SPOCD1: variants seen among roughly 807,000 people sequenced by gnomAD.
SPOCD1 encodes SPOC domain containing 1.
SPOCD1 carries 64 observed loss-of-function variants against 92.2 expected under a neutral mutation model. The observed-to-expected ratio is 0.69, with a 90% CI of 0.57 to 0.86. The LOEUF is 0.86. Among genes scored for constraint, SPOCD1 ranks in the 40% least tolerant of loss-of-function variants. The pLI, the probability that SPOCD1 is intolerant of heterozygous loss-of-function variation, is 0.00. For synonymous variants in SPOCD1, 578 were observed against 619.3 expected (o/e 0.93, Z 0.99); for missense variants, 1,360 against 1,543.1 (o/e 0.88, Z 1.99).
chr1:31,805,192 G>A (rs1236048438), intron 2 of SPOCD1, among the ~76,000 whole-genome samples: 1 of 151,572 alleles, frequency 6.6e-6, no homozygotes, highest in African/African-American at 2.4e-5. Flanking sequence ...CACCGTGTTA[G>A]CCAGGATGGT....
At position 31,792,237 on chromosome 1, in the gene SPOCD1, C is replaced by A; in HGVS notation, c.2940G>T (p.Arg980Ser). ...CACCTGGGCCCCCCAAAGGGCGCAG[C>A]CTGGTGGGCAGGGGCTGGAAGGCAG... ...PLPAFQPLPT[R>S]LRPLGGPGLW... is the part of the protein sequence containing the mutation. The change falls in exon 15 of 16, where the codon AGG becomes AGT. Residue 980 changes from arginine to serine, a missense_variant. Arg to Ser is a moderately radical substitution (Grantham distance 110). Coordinates refer to ENST00000360482, the MANE Select transcript of SPOCD1 (RefSeq NM_144569.7). 6.2e-7 allele frequency: 1 copy of A among 1,609,466 alleles called. No individual in the cohort carries two copies. The highest frequency in any genetic ancestry group is 8.5e-7 in the Non-Finnish European group (1 of 1,178,012).
At chr1:31,793,201 TG>T in intron 13 of SPOCD1, 76 bp downstream of exon 13, 1 of 1,456,942 alleles carries the variant, frequency 6.9e-7, no homozygotes, top group Non-Finnish European at 9.2e-7. Context: ...AATGCATGAG[TG>T]AAAGAGAGAG....
At chr1:31,792,031 GC>G (rs1647630115) in intron 15 of SPOCD1, 183 bp downstream of exon 15, 2 of 646,586 alleles carry the variant, frequency 3.1e-6, no homozygotes, top group African/African-American at 1.8e-5. Context: ...TAGAACAATG[GC>G]TGGCATGCAG....
rs970334700 is a variant in SPOCD1 at position 31,796,102 on chromosome 1, C to T, written c.2271+488G>A. On this transcript the variant is annotated intron_variant, in intron 10 of 15. Coordinates refer to ENST00000360482, the MANE Select transcript of SPOCD1 (RefSeq NM_144569.7). ...AAGAGCCCTAGACTATTGTCACTCC[C>T]GTTGGCTTCCCAGGTCTGAGGACAA... 4.4e-5 allele frequency: 11 copies of T among 248,726 alleles called. No homozygotes were observed. The East Asian group carries it at 7.4e-4, about 17-fold the overall frequency. 15.4% of individuals were successfully genotyped at this position (248,726 alleles called of 1,614,324 possible).
At chr1:31,793,505 G>A in intron 12 of SPOCD1, 77 bp from the exon 13 acceptor site, 1 of 1,534,774 alleles carries the variant, frequency 6.5e-7, no homozygotes, top group Non-Finnish European at 8.8e-7. Flanking sequence ...TCTTTTCAGA[G>A]CAGATCCTGT....
intron 2 of SPOCD1, among the ~76,000 whole-genome samples, chr1:31,803,958 C>T (rs1648647792): frequency 6.6e-6 from 1 of 151,810 alleles, no homozygotes; most frequent in South Asian, 2.1e-4. Flanking sequence ...TGGGTAGAAG[C>T]AGTGTTTAAA....
chr1:31,796,842 C>T, intron 9 of SPOCD1, 127 bp from the exon 10 acceptor site: 2 of 1,284,928 alleles, frequency 1.6e-6, no homozygotes, highest in African/African-American at 1.5e-5. Flanking sequence ...ACTTTTACTT[C>T]CGCCATACCC....
chr1:31,799,140 G>A (rs530940508), intron 7 of SPOCD1, among the ~76,000 whole-genome samples: 4 of 152,300 alleles, frequency 2.6e-5, no homozygotes, highest in East Asian at 3.9e-4. Flanking sequence ...CATTTGCTGC[G>A]GGTGACATTG....
In SPOCD1 at chr1:31,790,911, G is replaced by A. The variant is rs544748122; in HGVS notation, c.3343C>T (p.Pro1115Ser). ...GGATGCTGGGACTGGCGCAAGCCTG[G>A]CTCTGGGGGCCACTGCCCTCGCCCA... ...HPGRGQWPPE[P>S]GLRQSQHPYS... is the part of the protein sequence containing the mutation. Residue 1115 changes from proline to serine, a missense_variant, in exon 16 of 16, where the codon CCA becomes TCA. Pro to Ser is a moderately conservative substitution (Grantham distance 74). Around this residue, in one of 3 missense-constraint regions of SPOCD1, gnomAD observed 614 missense variants for 757.8 expected, o/e 0.81. Coordinates refer to ENST00000360482, the MANE Select transcript of SPOCD1 (RefSeq NM_144569.7). 1.3e-6 allele frequency: 2 copies of A among 1,583,730 alleles called. No homozygotes were observed. Among genetic ancestry groups the A allele is most frequent in the East Asian group, 2.2e-5 (1 of 44,616 alleles).
At position 31,800,587 on chromosome 1, in the gene SPOCD1, C is replaced by T; in HGVS notation, c.1456G>A (p.Gly486Arg). The T allele has an allele frequency of 6.2e-7, 1 of 1,609,956 alleles. No individual in the cohort carries two copies. The highest frequency in any genetic ancestry group is 8.5e-7 in the Non-Finnish European group (1 of 1,178,138). Reference protein sequence around the residue: ...LGSGPVIQLLGAISHGQAGGQ... With the variant: ...LGSGPVIQLLRAISHGQAGGQ... ...CCTGCCTGGCCGTGGCTGATGGCCC[C>T]CAGGAGCTGGATCACTGGCCCGGAA... The change falls in exon 4 of 16, where the codon GGG (glycine) becomes AGG (arginine). Residue 486 changes from glycine (G) to arginine (R), a missense_variant. By Grantham distance (125) the Gly-to-Arg change is moderately radical. Transcript: ENST00000360482.
Position 31,814,435 on chromosome 1 carries a change from G to A in SPOCD1, c.899C>T (p.Pro300Leu). The A allele has an allele frequency of 6.2e-7, 1 of 1,607,130 alleles. No homozygotes were observed. The highest frequency in any genetic ancestry group is 8.5e-7 in the Non-Finnish European group (1 of 1,176,506). Residue 300 changes from proline to leucine, a missense_variant, in exon 2 of 16, where the codon CCC becomes CTC. This residue lies in a region of SPOCD1 where 606 missense variants were observed against 601.5 expected (regional missense o/e 1.01). Coordinates refer to ENST00000360482, the MANE Select transcript of SPOCD1 (RefSeq NM_144569.7). The surrounding 1 kb of genome is among the most constrained non-coding windows in gnomAD (Gnocchi z 4.2). ...CACTGGGAACCCGACAGGGCCACAG[G>A]GGCTGCCTGGCTGGGGCCCATCCCC... Reference protein sequence around the residue: ...ATGDGPQPGSPCGPVGFPVPS... With the variant: ...ATGDGPQPGSLCGPVGFPVPS...
In SPOCD1 at chr1:31,807,244, C is replaced by G. The variant is rs577385324; in HGVS notation, c.1384-5539G>C. 2.7e-5 allele frequency among the ~76,000 whole-genome samples: 4 copies of G among 147,816 alleles called. No homozygotes were observed. In the East Asian group the frequency reaches 8.2e-4, roughly 30 times the overall value. On this transcript the variant is annotated intron_variant, in intron 2 of 15. Coordinates refer to ENST00000360482, the MANE Select transcript of SPOCD1 (RefSeq NM_144569.7). ...TCCGTGCTAAAAATACAAAAATTAG[C>G]CAGACGTGGTGGCACACGCCTGTGA...
Position 31,814,577 on chromosome 1 carries a change from C to A in SPOCD1, c.757G>T (p.Gly253Ter), listed in dbSNP as rs1485581663. The change falls in exon 2 of 16, where the codon GGA becomes TGA. Residue 253 changes from glycine to a stop codon, truncating the protein, a stop_gained. Coordinates refer to ENST00000360482, the MANE Select transcript of SPOCD1 (RefSeq NM_144569.7). LOFTEE classifies it high-confidence loss of function. The surrounding 1 kb of genome is among the most constrained non-coding windows in gnomAD (Gnocchi z 4.2). Reference sequence around the variant, plus strand: ...GGAGAGGGAGGTCTGCAAGGGCCTCCCAAGGACTCCAGGTCAGCAACTTGG... The same window carrying A: ...GGAGAGGGAGGTCTGCAAGGGCCTCACAAGGACTCCAGGTCAGCAACTTGG... Reference protein sequence around the residue: ...PPQVADLESLGGPCRPPSPKD... With the variant: ...PPQVADLESL 6.5e-7 allele frequency: 1 copy of A among 1,528,652 alleles called. No individual in the cohort carries two copies. Among genetic ancestry groups the A allele is most frequent in the Non-Finnish European group, 8.8e-7 (1 of 1,138,260 alleles). 94.7% of individuals were successfully genotyped at this position (1,528,652 alleles called of 1,614,324 possible).
chr1:31,807,981 T>C (rs1189296735), intron 2 of SPOCD1, among the ~76,000 whole-genome samples: 3 of 152,050 alleles, frequency 2.0e-5, no homozygotes, highest in African/African-American at 7.2e-5. Context: ...ACAAGATAAA[T>C]TGAATCAGTA....
Position 31,800,144 on chromosome 1 carries a change from T to TG in SPOCD1, c.1603-4dup. On this transcript the variant is annotated splice_region_variant and splice_polypyrimidine_tract_variant and intron_variant, in intron 4 of 15. Coordinates refer to ENST00000360482, the MANE Select transcript of SPOCD1 (RefSeq NM_144569.7). ...CCTGAAGGAGAAGGCTGGAAAACCT[T>TG]GGGGCAGGGAGCAGACAAGCTATTG... 6.3e-7 allele frequency: 1 copy of TG among 1,597,582 alleles called. No individual in the cohort carries two copies. The highest frequency in any genetic ancestry group is 1.3e-5 in the African/African-American group (1 of 74,312).
chr1:31,815,230 A>G lies in SPOCD1; in HGVS notation c.104T>C (p.Met35Thr). 2.5e-6 allele frequency: 4 copies of G among 1,607,204 alleles called. No individual in the cohort carries two copies. Among genetic ancestry groups the G allele is most frequent in the Non-Finnish European group, 3.4e-6 (4 of 1,174,808 alleles). The change falls in exon 2 of 16, where the codon ATG (methionine) becomes ACG (threonine). Residue 35 changes from methionine (M) to threonine (T), a missense_variant. By Grantham distance (81) the Met-to-Thr change is moderately conservative. Transcript: ENST00000360482. ...LLQNMEGASS[M>T]PGLSPDGPGA... ...CGGCCCATCTGGTGACAGGCCTGGC[A>G]TGGAGCTGGCTCCTTCCATGTTCTG...
chr1:31,799,435 C>T lies in SPOCD1; in HGVS notation c.1834G>A (p.Val612Ile), dbSNP rs775636486. ...PSLYIGVRGTVVRSMQEVLWT... is the reference protein window; with the variant it reads ...PSLYIGVRGTIVRSMQEVLWT... ...AGTACCTCCTGCATGGAACGGACAA[C>T]AGTGCCCCGCACCCCAATATACAGG... The change falls in exon 7 of 16, where the codon GTT (valine) becomes ATT (isoleucine). Residue 612 changes from valine (V) to isoleucine (I), a missense_variant. This residue lies in a region of SPOCD1 where 606 missense variants were observed against 601.5 expected (regional missense o/e 1.01). Transcript: ENST00000360482. 1 of 1,611,722 alleles carries T rather than the reference C, an allele frequency of 6.2e-7. No individual in the cohort carries two copies. Among genetic ancestry groups the T allele is most frequent in the Non-Finnish European group, 8.5e-7 (1 of 1,179,148 alleles).
intron 9 of SPOCD1, among the ~76,000 whole-genome samples, chr1:31,797,727 G>T (rs1230697258): frequency 2.0e-5 from 3 of 152,184 alleles, no homozygotes; most frequent in African/African-American, 7.2e-5. Flanking sequence ...CAGCTTCCCT[G>T]TCCCAGAGCA....
At chr1:31,800,869 T>C (rs538269398) in intron 3 of SPOCD1, among the ~76,000 whole-genome samples, 1 of 152,320 alleles carries the variant, frequency 6.6e-6, no homozygotes, top group East Asian at 1.9e-4. Flanking sequence ...TCCATCCGCA[T>C]CCTTTCTCAA....
Sources: gnomAD v4.1 joint callset for allele counts (sites outside exome capture counted in the v4.1 genomes callset) on GRCh38, gnomAD v4.1.1 for gene constraint, gnomAD v4.1.1 regional missense constraint, Gnocchi (gnomAD v3.1) non-coding constraint, MANE v1.5 for transcripts, NCBI Gene and HGNC (gene_info 2026-07-23, HGNC 2026-07-21) for gene names.